The following SUCLG2 variants were observed in gnomAD, a reference collection of about 807,000 sequenced individuals.
SUCLG2 encodes the protein succinate-CoA ligase GDP-forming subunit beta.
SUCLG2 carries 42 observed loss-of-function variants against 47.9 expected under a neutral mutation model. The ratio of observed to expected loss-of-function variants is 0.88; its 90% CI spans 0.69 to 1.14. The LOEUF is 1.14. Among genes scored for constraint, SUCLG2 ranks in the 50% most tolerant of loss-of-function variants. The pLI, the probability that SUCLG2 is intolerant of heterozygous loss-of-function variation, is 0.00. For missense variants in SUCLG2, 571 were observed against 525.9 expected (o/e 1.09, Z -0.84); for synonymous variants, 195 against 197.3 (o/e 0.99, Z 0.10).
intron 2 of SUCLG2, among the ~76,000 whole-genome samples, chr3:67,559,021 C>T (rs1272508234): frequency 6.6e-6 from 1 of 152,156 alleles, no homozygotes; most frequent in African/African-American, 2.4e-5. Flanking sequence ...GGTTTCAACT[C>T]TTAAAACTAT....
At chr3:67,537,878 T>C (rs926827204) in intron 2 of SUCLG2, among the ~76,000 whole-genome samples, 1 of 152,242 alleles carries the variant, frequency 6.6e-6, no homozygotes, top group Non-Finnish European at 1.5e-5. Context: ...TTTTGAGAAG[T>C]GTCTGTTCAT....
At chr3:67,627,247 T>A (rs536133663) in intron 1 of SUCLG2, among the ~76,000 whole-genome samples, 39 of 152,318 alleles carry the variant, frequency 2.6e-4, no homozygotes, top group Middle Eastern at 3.4e-3. Flanking sequence ...AACCAATTTT[T>A]ACTTGGCATC....
At chr3:67,634,431 T>C (rs1223009777) in intron 1 of SUCLG2, among the ~76,000 whole-genome samples, 1 of 152,236 alleles carries the variant, frequency 6.6e-6, no homozygotes, top group Non-Finnish European at 1.5e-5. Context: ...TTTAAGAGTA[T>C]ATGCTTCTTT....
chr3:67,443,780 G>A (rs1256644375), intron 9 of SUCLG2, among the ~76,000 whole-genome samples: 2 of 87,124 alleles, frequency 2.3e-5, no homozygotes, highest in African/African-American at 3.6e-5. Flanking sequence ...CTGCCCGGCC[G>A]CCCCGTCTGA....
At chr3:67,440,211 A>C (rs575916369) in intron 9 of SUCLG2, among the ~76,000 whole-genome samples, 1 of 152,330 alleles carries the variant, frequency 6.6e-6, no homozygotes, top group Admixed American at 6.5e-5. Flanking sequence ...CCTTCCTTAC[A>C]CTTTATGCAA....
intron 6 of SUCLG2, among the ~76,000 whole-genome samples, chr3:67,510,710 C>T (rs1489122774): frequency 6.6e-6 from 1 of 152,242 alleles, no homozygotes; most frequent in African/African-American, 2.4e-5. Flanking sequence ...ATTCCTTTAA[C>T]CTTTCACTTA....
At chr3:67,637,243 T>A (rs1278551216) in intron 1 of SUCLG2, among the ~76,000 whole-genome samples, 1 of 152,124 alleles carries the variant, frequency 6.6e-6, no homozygotes, top group African/African-American at 2.4e-5. Flanking sequence ...CAGGCTAAAA[T>A]AAAAAAGTGC....
At chr3:67,397,810 A>C (rs1202323920) in intron 10 of SUCLG2, among the ~76,000 whole-genome samples, 1 of 152,186 alleles carries the variant, frequency 6.6e-6, no homozygotes, top group Non-Finnish European at 1.5e-5. Flanking sequence ...TGGTACTGGT[A>C]CCAAAACAGA....
chr3:67,475,312 A>G (rs1475590006), intron 9 of SUCLG2, among the ~76,000 whole-genome samples: 1 of 152,210 alleles, frequency 6.6e-6, no homozygotes, highest in African/African-American at 2.4e-5. Context: ...ATTTGTAAGA[A>G]AACTGAGTGA....
At chr3:67,379,002 A>G (rs779940647) in intron 10 of SUCLG2, among the ~76,000 whole-genome samples, 12 of 152,194 alleles carry the variant, frequency 7.9e-5, no homozygotes, top group Non-Finnish European at 1.8e-4. Flanking sequence ...GCTGGAGTGC[A>G]GTGGCGTGAT....
rs186223938 is a variant in SUCLG2 at position 67,493,587 on chromosome 3, C to T, written c.1062+2211G>A. 1.9e-3 allele frequency among the ~76,000 whole-genome samples: 289 copies of T among 152,228 alleles called. 1 individual carries two copies. The highest frequency in any genetic ancestry group is 6.4e-3 in the African/African-American group (264 of 41,552). The stretch of plus-strand genomic sequence containing the variant: ...GAGCCACTAAGAAAAGCTATTTCAA[C>T]GAAATCCAATGATTGTCCTGGTAGA... On this transcript the variant is annotated intron_variant, in intron 9 of 10. Transcript: ENST00000307227.
At chr3:67,651,548 A>C (rs904167531) in intron 1 of SUCLG2, among the ~76,000 whole-genome samples, 5 of 152,204 alleles carry the variant, frequency 3.3e-5, no homozygotes, top group Admixed American at 2.0e-4. Flanking sequence ...TTTCACCTAA[A>C]GTACAAAACT....
At chr3:67,490,866 C>G (rs750114535) in intron 9 of SUCLG2, among the ~76,000 whole-genome samples, 2 of 152,014 alleles carry the variant, frequency 1.3e-5, no homozygotes, top group African/African-American at 2.4e-5. Context: ...ACAGAAAGGC[C>G]ATAATGAGAT....
intron 9 of SUCLG2, among the ~76,000 whole-genome samples, chr3:67,475,837 A>G (rs1424425647): frequency 6.6e-6 from 1 of 151,996 alleles, no homozygotes; most frequent in Admixed American, 6.5e-5. Context: ...TACAGTCATC[A>G]GCCACCATGC....
At chr3:67,546,920 A>C (rs1198368913) in intron 2 of SUCLG2, among the ~76,000 whole-genome samples, 1 of 152,172 alleles carries the variant, frequency 6.6e-6, no homozygotes, top group Non-Finnish European at 1.5e-5. Flanking sequence ...ACAAACAAAA[A>C]AGATTCATAT....
chr3:67,647,843 G>A (rs915392777), intron 1 of SUCLG2, among the ~76,000 whole-genome samples: 3 of 152,200 alleles, frequency 2.0e-5, no homozygotes, highest in Admixed American at 6.5e-5. Flanking sequence ...AGTAAGCTGG[G>A]AACAATAACT....
chr3:67,568,842 G>C (rs1000694216), intron 2 of SUCLG2, among the ~76,000 whole-genome samples: 5 of 152,024 alleles, frequency 3.3e-5, no homozygotes, highest in East Asian at 1.9e-4. Flanking sequence ...AGCCGAGATC[G>C]CGCCACTGCA....
rs1265282829 is a variant in SUCLG2 at position 67,572,211 on chromosome 3, A to G, written c.226+37244T>C. ...TATTCCCTTTGTGTCTGTGTCTCCT[A>G]CAATCCTACATCTAAAGTGAATTCC... On this transcript the variant is annotated intron_variant, in intron 2 of 10. Transcript: ENST00000307227. 3.3e-5 allele frequency among the ~76,000 whole-genome samples: 5 copies of G among 152,222 alleles called. No individual in the cohort carries two copies. In the East Asian group the frequency reaches 9.6e-4, roughly 29 times the overall value.
At chr3:67,423,048 T>C (rs917844933) in intron 9 of SUCLG2, among the ~76,000 whole-genome samples, 2 of 152,174 alleles carry the variant, frequency 1.3e-5, no homozygotes, top group Non-Finnish European at 2.9e-5. Context: ...GGATGGTTAA[T>C]AGGTGCAGTG....
Sources: allele counts gnomAD v4.1 joint callset (sites outside exome capture counted in the v4.1 genomes callset), GRCh38; gene constraint gnomAD v4.1.1; transcripts MANE v1.5; gene names NCBI Gene and HGNC (gene_info 2026-07-23, HGNC 2026-07-21).